The following HDHD2 variants were observed in gnomAD, a reference collection of about 807,000 sequenced individuals.
HDHD2 encodes the protein haloacid dehalogenase like hydrolase domain containing 2.
A neutral mutation model predicts 24.8 loss-of-function variants in HDHD2; 26 were observed. The observed-to-expected ratio is 1.05, with a 90% confidence interval of 0.77 to 1.45. The LOEUF (loss-of-function observed/expected upper bound fraction) is 1.45, where lower values mean the gene tolerates loss of function less well. Ranked by LOEUF, HDHD2 falls within the 40% of genes most tolerant of loss-of-function variation. The pLI, the probability that HDHD2 is intolerant of heterozygous loss-of-function variation, is 0.00. For missense variants in HDHD2, 299 were observed against 313.4 expected (o/e 0.95, Z 0.35); for synonymous variants, 128 against 114.9 (o/e 1.11, Z -0.73).
At chr18:47,131,484 T>C (rs992841198) in intron 3 of HDHD2, among the ~76,000 whole-genome samples, 2 of 152,176 alleles carry the variant, frequency 1.3e-5, no homozygotes, top group African/African-American at 4.8e-5. Flanking sequence ...AAATCAGTAA[T>C]TTCTCCAAAG....
rs568517881 is a variant in HDHD2, at chr18:47,131,839, C to T, written c.311-1511G>A. On this transcript the variant is annotated intron_variant, in intron 3 of 6. Transcript: ENST00000300605. ...TCTTTTGTCCTTAGAATTTATCCCA[C>T]TATGAATGAACAGGTCAAAATACTG... Among the ~76,000 whole-genome samples the T allele has an allele frequency of 5.9e-5, 9 of 152,282 alleles. No individual in the cohort carries two copies. The South Asian group carries it at 1.9e-3, about 32-fold the overall frequency.
rs116113412 is a variant in HDHD2 at position 47,126,203 on chromosome 18, A to T, written c.395+4041T>A. ...TTTCAAAAATGGGAAAAGCCCATAG[A>T]TATATTTCTAATTTGAGCCCTGCTG... On this transcript the variant is annotated intron_variant, in intron 4 of 6. Coordinates refer to ENST00000300605, the MANE Select transcript of HDHD2 (RefSeq NM_032124.5). Among the ~76,000 whole-genome samples, 490 of 152,348 alleles carry T rather than the reference A, an allele frequency of 3.2e-3. 2 individuals carry two copies. Among genetic ancestry groups the T allele is most frequent in the African/African-American group, 0.011 (451 of 41,574 alleles).
chr18:47,124,687 C>T (rs909449758), intron 4 of HDHD2, among the ~76,000 whole-genome samples: 2 of 80,922 alleles, frequency 2.5e-5, no homozygotes, highest in African/African-American at 9.8e-5. Context: ...ACCTGGGCAA[C>T]AAGAGTGAAA....
chr18:47,132,181 T>C (rs2063719474), intron 3 of HDHD2, among the ~76,000 whole-genome samples: 1 of 152,228 alleles, frequency 6.6e-6, no homozygotes, highest in Admixed American at 6.5e-5. Flanking sequence ...CTCATTTTCC[T>C]ATACAGAAAA....
intron 1 of HDHD2, among the ~76,000 whole-genome samples, chr18:47,140,456 G>A (rs560824573): frequency 1.3e-5 from 2 of 152,260 alleles, no homozygotes; most frequent in Non-Finnish European, 2.9e-5. Flanking sequence ...ACAGTTTGGT[G>A]TTGGTGTATT....
At chr18:47,124,996 C>T (rs553753004) in intron 4 of HDHD2, among the ~76,000 whole-genome samples, 8 of 152,080 alleles carry the variant, frequency 5.3e-5, no homozygotes, top group South Asian at 2.1e-4. Context: ...AACCCCACTA[C>T]AAAAACGAAT....
At position 47,113,993 on chromosome 18, in the gene HDHD2, A is replaced by G. The variant is rs139614539; in HGVS notation, c.613-953T>C. Among the ~76,000 whole-genome samples, 168 of 152,304 alleles carry G rather than the reference A, an allele frequency of 1.1e-3. 3 individuals carry two copies. The East Asian group carries it at 0.031, about 28-fold the overall frequency. ...CTGGGTAACCAACAGCCCCCCATGC[A>G]GCACAGCTGTTGCATCCCTTCCCAC... On this transcript the variant is annotated intron_variant, in intron 5 of 6. Coordinates refer to ENST00000300605, the MANE Select transcript of HDHD2 (RefSeq NM_032124.5).
In HDHD2 at chr18:47,121,310, C is replaced by G. The variant is rs1156428670; in HGVS notation, c.396-5962G>C. 1.5e-4 allele frequency among the ~76,000 whole-genome samples: 23 copies of G among 152,124 alleles called. 1 individual carries two copies. Among genetic ancestry groups the G allele is most frequent in the Admixed American group, 1.5e-3 (23 of 15,280 alleles). ...TGGTAAGTCCCTCTCACCCCACTCC[C>G]CAAAAGTGTTTCTTTCCCAATCTTT... On this transcript the variant is annotated intron_variant, in intron 4 of 6. Transcript: ENST00000300605.
chr18:47,131,970 G>A (rs1386648584), intron 3 of HDHD2, among the ~76,000 whole-genome samples: 1 of 152,024 alleles, frequency 6.6e-6, no homozygotes, highest in Non-Finnish European at 1.5e-5. Context: ...TCACTTAATC[G>A]TCTTTTCATT....
intron 4 of HDHD2, among the ~76,000 whole-genome samples, chr18:47,121,174 C>T (rs183650317): frequency 2.6e-5 from 4 of 151,438 alleles, no homozygotes; most frequent in South Asian, 2.1e-4. Context: ...TGCCTGAACA[C>T]GACGCTGTCT....
intron 1 of HDHD2, chr18:47,150,004 CT>C (rs1377009590): frequency 3.3e-5 from 5 of 152,380 alleles, no homozygotes; most frequent in Non-Finnish European, 7.3e-5. Flanking sequence ...GGCCTCAAGA[CT>C]GGTCACTGCA....
At chr18:47,120,439 T>C (rs1417220537) in intron 4 of HDHD2, among the ~76,000 whole-genome samples, 2 of 152,214 alleles carry the variant, frequency 1.3e-5, no homozygotes. Flanking sequence ...TCATCTCTCT[T>C]AGTCTTCAAA....
intron 1 of HDHD2, among the ~76,000 whole-genome samples, chr18:47,142,222 C>T (rs1234326489): frequency 6.6e-6 from 1 of 151,396 alleles, no homozygotes; most frequent in Non-Finnish European, 1.5e-5. Context: ...TTTGTGATAC[C>T]TTAAAATAAT....
chr18:47,110,326 C>T (rs1468687732), intron 6 of HDHD2: 2 of 984,818 alleles, frequency 2.0e-6, no homozygotes, highest in Non-Finnish European at 2.4e-6. Context: ...ACCTCACTCT[C>T]GTTAGCACCC....
chr18:47,130,121 C>G (rs2063698690), intron 4 of HDHD2, 123 bp downstream of exon 4: 2 of 569,590 alleles, frequency 3.5e-6, no homozygotes, highest in Non-Finnish European at 6.2e-6. Flanking sequence ...TTGAAGATGT[C>G]TATCCTAATG....
intron 1 of HDHD2, among the ~76,000 whole-genome samples, chr18:47,149,813 T>G (rs2063911777): frequency 6.6e-6 from 1 of 152,156 alleles, no homozygotes; most frequent in South Asian, 2.1e-4. Context: ...GCGCCTCTCC[T>G]ACTAAACTGT....
chr18:47,129,895 G>A (rs899604069), intron 4 of HDHD2, among the ~76,000 whole-genome samples: 6 of 152,086 alleles, frequency 3.9e-5, no homozygotes, highest in East Asian at 3.9e-4. Flanking sequence ...GTAACGTGGC[G>A]AAACCCCGTC....
intron 3 of HDHD2, among the ~76,000 whole-genome samples, chr18:47,133,329 C>T (rs1450248311): frequency 6.6e-6 from 1 of 151,992 alleles, no homozygotes; most frequent in South Asian, 2.1e-4. Flanking sequence ...ATGAACTCAT[C>T]CTTTTTTATG....
chr18:47,122,380 T>C (rs1347644690), intron 4 of HDHD2, among the ~76,000 whole-genome samples: 1 of 152,146 alleles, frequency 6.6e-6, no homozygotes, highest in African/African-American at 2.4e-5. Flanking sequence ...GGCTGACCTA[T>C]GTATATAGGA....
Sources: gnomAD v4.1 joint callset for allele counts (sites outside exome capture counted in the v4.1 genomes callset) on GRCh38, gnomAD v4.1.1 for gene constraint, MANE v1.5 for transcripts, NCBI Gene and HGNC (gene_info 2026-07-23, HGNC 2026-07-21) for gene names.